RIMBP2: variants seen among roughly 807,000 people sequenced by gnomAD.
The protein encoded by RIMBP2 is RIMS binding protein 2, also known as RIMS-binding protein 2.
In RIMBP2, 48 loss-of-function variants were observed where a neutral mutation model predicts 118.6. The ratio of observed to expected loss-of-function variants is 0.40; its 90% confidence interval spans 0.32 to 0.51. The LOEUF is 0.51. RIMBP2 is among the 20% of genes least tolerant of loss of function. The pLI is 0.41. For missense variants in RIMBP2, 1,551 were observed against 1,768.3 expected, an observed-to-expected ratio of 0.88 and a Z score of 2.20; for synonymous variants, 762 against 742.9, an observed-to-expected ratio of 1.03 and a Z score of -0.42.
chr12:130,673,071 A>G (rs12308712), intron 1 of RIMBP2, among the ~76,000 whole-genome samples: 101,965 of 152,148 alleles, frequency 0.67, 34,416 homozygotes, highest in East Asian at 0.78. Context: ...CAAAGGAAGA[A>G]CTCCCACTCG....
intron 4 of RIMBP2, among the ~76,000 whole-genome samples, chr12:130,502,074 T>C (rs2049846570): frequency 6.6e-6 from 1 of 152,182 alleles, no homozygotes; most frequent in South Asian, 2.1e-4. Flanking sequence ...AACTGTACCC[T>C]GGCCAGAAGC....
intron 19 of RIMBP2, among the ~76,000 whole-genome samples, chr12:130,411,674 G>A (rs1001039553): frequency 1.3e-5 from 2 of 152,136 alleles, no homozygotes; most frequent in Admixed American, 6.5e-5. Context: ...AGTCAACTTC[G>A]GGAAAGGAGA....
At chr12:130,481,701 G>A (rs560557859) in intron 4 of RIMBP2, among the ~76,000 whole-genome samples, 2 of 152,246 alleles carry the variant, frequency 1.3e-5, no homozygotes, top group Non-Finnish European at 2.9e-5. Context: ...TCTGGGGCCA[G>A]ATGGGCCCCA....
chr12:130,569,038 A>G (rs1192933042), intron 2 of RIMBP2, among the ~76,000 whole-genome samples: 1 of 151,910 alleles, frequency 6.6e-6, no homozygotes, highest in Non-Finnish European at 1.5e-5. Context: ...TGGAGCAGAC[A>G]GGACATCCTC....
At chr12:130,520,651 A>G (rs901858015) in intron 2 of RIMBP2, among the ~76,000 whole-genome samples, 26 of 146,136 alleles carry the variant, frequency 1.8e-4, no homozygotes, top group African/African-American at 6.2e-4. Context: ...CAGCCTGGGC[A>G]ACAAGAGTGA....
chr12:130,455,612 G>GT (rs1464429377), intron 7 of RIMBP2, among the ~76,000 whole-genome samples: 2 of 152,188 alleles, frequency 1.3e-5, no homozygotes, highest in Non-Finnish European at 2.9e-5. Flanking sequence ...GCAGGAGAAT[G>GT]TTTTTTAGCA....
intron 2 of RIMBP2, among the ~76,000 whole-genome samples, chr12:130,606,098 A>G (rs572410154): frequency 5.3e-5 from 8 of 152,106 alleles, no homozygotes; most frequent in Non-Finnish European, 1.2e-4. Context: ...AGAGAGGAAA[A>G]AAAAGCTAAA....
chr12:130,554,467 T>C (rs2056143283), intron 2 of RIMBP2, among the ~76,000 whole-genome samples: 2 of 152,126 alleles, frequency 1.3e-5, no homozygotes, highest in South Asian at 4.1e-4. Context: ...GGTTATGAAA[T>C]GGATACAATA....
intron 2 of RIMBP2, among the ~76,000 whole-genome samples, chr12:130,590,107 A>T (rs569098980): frequency 1.3e-5 from 2 of 152,280 alleles, no homozygotes; most frequent in Non-Finnish European, 2.9e-5. Flanking sequence ...CTTCCTGCAG[A>T]CGCTTCTACA....
At chr12:130,712,121 A>G (rs1949961806) in intron 1 of RIMBP2, among the ~76,000 whole-genome samples, 1 of 152,250 alleles carries the variant, frequency 6.6e-6, no homozygotes, top group African/African-American at 2.4e-5. Flanking sequence ...TGAGTGAGTG[A>G]GTGAGGAGTG....
Position 130,450,090 on chromosome 12 carries a change from C to T in RIMBP2, c.581+110G>A, listed in dbSNP as rs1330165928. On this transcript the variant is annotated intron_variant, in intron 9 of 22. Transcript: ENST00000690449. This position sits in a 1 kb window ranked among gnomAD's most constrained non-coding sequence, Gnocchi z 4.8. ...AGGCCAGGCTGAAATCCCACCTTCT[C>T]CTCGTGCCCTGGGAGAAGGGAACTT... 1.4e-6 allele frequency: 1 copy of T among 719,492 alleles called. No homozygotes were observed. The highest frequency in any genetic ancestry group is 2.3e-5 in the Admixed American group (1 of 42,778). The allele number at this position is 719,492 out of a possible 1,614,324, so 44.6% of individuals were successfully genotyped here.
intron 1 of RIMBP2, among the ~76,000 whole-genome samples, chr12:130,682,745 C>T (rs2064857258): frequency 6.6e-6 from 1 of 152,200 alleles, no homozygotes; most frequent in East Asian, 1.9e-4. Flanking sequence ...GGAGGCAGCG[C>T]CCAATCTCTG....
chr12:130,704,817 C>A (rs188874306), intron 1 of RIMBP2, among the ~76,000 whole-genome samples: 1 of 152,128 alleles, frequency 6.6e-6, no homozygotes, highest in African/African-American at 2.4e-5. Flanking sequence ...CCAGGGTCAC[C>A]GGTTCAGGTC....
intron 1 of RIMBP2, among the ~76,000 whole-genome samples, chr12:130,637,193 C>T (rs912567335): frequency 4.6e-5 from 7 of 152,234 alleles, no homozygotes; most frequent in Admixed American, 1.3e-4. Context: ...ATCCTGTCCT[C>T]AGATCACCTC....
At chr12:130,597,673 ATC>A (rs1466761248) in intron 2 of RIMBP2, among the ~76,000 whole-genome samples, 1 of 152,252 alleles carries the variant, frequency 6.6e-6, no homozygotes, top group African/African-American at 2.4e-5. Context: ...ACACGAAAGT[ATC>A]TGAGAAATGA....
intron 2 of RIMBP2, among the ~76,000 whole-genome samples, chr12:130,573,758 G>T (rs1336314604): frequency 6.6e-6 from 1 of 152,110 alleles, no homozygotes; most frequent in Non-Finnish European, 1.5e-5. Context: ...AAGTCAGCAT[G>T]ACACAGCCGA....
chr12:130,522,563 T>C (rs542965436), intron 2 of RIMBP2, among the ~76,000 whole-genome samples: 1 of 152,320 alleles, frequency 6.6e-6, no homozygotes, highest in South Asian at 2.1e-4. Context: ...ATGGGCTCCT[T>C]CCCAAAATAG....
chr12:130,632,225 G>A (rs889161125), intron 1 of RIMBP2, among the ~76,000 whole-genome samples: 8 of 152,198 alleles, frequency 5.3e-5, no homozygotes, highest in Non-Finnish European at 7.3e-5. Flanking sequence ...GCACATCGTC[G>A]TCATTGCTGA....
At chr12:130,474,306 A>C (rs2081256501) in intron 5 of RIMBP2, among the ~76,000 whole-genome samples, 1 of 152,238 alleles carries the variant, frequency 6.6e-6, no homozygotes, top group African/African-American at 2.4e-5. Context: ...CTGAATGTTA[A>C]TGAGAATTTA....
Sources: gnomAD v4.1 joint callset for allele counts (sites outside exome capture counted in the v4.1 genomes callset) on GRCh38, gnomAD v4.1.1 for gene constraint, Gnocchi (gnomAD v3.1) non-coding constraint, MANE v1.5 for transcripts, NCBI Gene and HGNC (gene_info 2026-07-23, HGNC 2026-07-21) for gene names.